The following TMEM132D variants were observed in gnomAD, a reference collection of about 807,000 sequenced individuals.
The protein encoded by TMEM132D is mature OL transmembrane protein.
Under a neutral mutation model 62.3 loss-of-function variants are expected in TMEM132D, and 21 were observed. That is an observed-to-expected ratio of 0.34 (90% CI 0.24 to 0.49). The LOEUF is 0.49. TMEM132D is among the 20% of genes least tolerant of loss of function. The probability of loss-of-function intolerance (pLI) is 0.99; values close to 1 mark genes in which losing one functional copy is unlikely to be tolerated. For synonymous variants in TMEM132D, 621 were observed against 575.6 expected (o/e 1.08, Z -1.13); for missense variants, 1,346 against 1,402.8 (o/e 0.96, Z 0.65).
intron 1 of TMEM132D, among the ~76,000 whole-genome samples, chr12:129,746,353 C>T (rs1869778160): frequency 6.6e-6 from 1 of 152,044 alleles, no homozygotes; most frequent in African/African-American, 2.4e-5. Flanking sequence ...ACTCTTCCTG[C>T]TGTGAGAGGA....
At chr12:129,168,404 C>T (rs907186298) in intron 5 of TMEM132D, among the ~76,000 whole-genome samples, 2 of 152,132 alleles carry the variant, frequency 1.3e-5, no homozygotes, top group South Asian at 4.1e-4. Context: ...AAAAGAATCC[C>T]CATACCCATT....
At chr12:129,595,815 C>T (rs952529092) in intron 2 of TMEM132D, among the ~76,000 whole-genome samples, 2 of 152,236 alleles carry the variant, frequency 1.3e-5, no homozygotes, top group Admixed American at 6.5e-5. Flanking sequence ...CTCACTGAGC[C>T]CAGCCTGCAT....
chr12:129,414,123 A>T (rs781665704), intron 3 of TMEM132D, among the ~76,000 whole-genome samples: 54 of 152,168 alleles, frequency 3.5e-4, no homozygotes, highest in Admixed American at 7.2e-4. Context: ...CTCCGCATAA[A>T]GTGGGCGGCT....
chr12:129,252,833 C>T (rs1308221209), intron 4 of TMEM132D, among the ~76,000 whole-genome samples: 1 of 151,974 alleles, frequency 6.6e-6, no homozygotes, highest in East Asian at 1.9e-4. Flanking sequence ...AAATGTGGCA[C>T]ATATACGCCA....
chr12:129,826,814 G>C (rs982413559), intron 1 of TMEM132D, among the ~76,000 whole-genome samples: 1 of 152,112 alleles, frequency 6.6e-6, no homozygotes, highest in South Asian at 2.1e-4. Flanking sequence ...ATGCAGGTGT[G>C]GGGAGAAGCT....
intron 2 of TMEM132D, among the ~76,000 whole-genome samples, chr12:129,677,877 C>T (rs563855021): frequency 5.4e-5 from 8 of 147,354 alleles, no homozygotes. Flanking sequence ...GCATATTGGT[C>T]CATTATCCAT....
At chr12:129,631,712 A>C (rs2137167463) in intron 2 of TMEM132D, among the ~76,000 whole-genome samples, 1 of 152,306 alleles carries the variant, frequency 6.6e-6, no homozygotes, top group South Asian at 2.1e-4. Context: ...GTGATTCTGC[A>C]AAGTCTTGTC....
chr12:129,688,580 G>A lies in TMEM132D; in HGVS notation c.968+11230C>T, dbSNP rs1013365925. Among the ~76,000 whole-genome samples the A allele has an allele frequency of 4.6e-5, 7 of 152,210 alleles. No homozygotes were observed. The Middle Eastern group carries it at 0.01, about 222-fold the overall frequency. On this transcript the variant is annotated intron_variant, in intron 2 of 8. Transcript: ENST00000422113. ...AACCCACACCACTGCTTCATGTAGAGCCTAGCCAAAGAACCTAGTCTCTGA... is the reference window on the plus strand; with the variant it reads ...AACCCACACCACTGCTTCATGTAGAACCTAGCCAAAGAACCTAGTCTCTGA...
At chr12:129,516,519 G>A (rs116990109) in intron 3 of TMEM132D, among the ~76,000 whole-genome samples, 2,592 of 152,198 alleles carry the variant, frequency 0.017, 58 homozygotes, top group South Asian at 0.095. Context: ...TAAGTGAAAG[G>A]GGCTTCCCCT....
At chr12:129,384,872 C>G (rs1566052126) in intron 3 of TMEM132D, among the ~76,000 whole-genome samples, 1 of 152,072 alleles carries the variant, frequency 6.6e-6, no homozygotes, top group African/African-American at 2.4e-5. Context: ...TTAAGAATTT[C>G]TAGTTAAGAA....
intron 4 of TMEM132D, among the ~76,000 whole-genome samples, chr12:129,242,736 T>G (rs2135585207): frequency 7.3e-6 from 1 of 137,542 alleles, no homozygotes; most frequent in South Asian, 2.3e-4. Context: ...ATTTTTCTTC[T>G]TCTTTTTTAA....
intron 5 of TMEM132D, among the ~76,000 whole-genome samples, chr12:129,139,994 G>T (rs1876692101): frequency 6.6e-6 from 1 of 152,102 alleles, no homozygotes; most frequent in African/African-American, 2.4e-5. Flanking sequence ...GGGATTACAG[G>T]CATAAACCAC....
chr12:129,142,740 T>C (rs1565977108), intron 5 of TMEM132D, among the ~76,000 whole-genome samples: 1 of 152,104 alleles, frequency 6.6e-6, no homozygotes, highest in South Asian at 2.1e-4. Context: ...AAACCAATGA[T>C]GTCATCAGGA....
chr12:129,837,077 T>C lies in TMEM132D; in HGVS notation c.79+66184A>G, dbSNP rs192890675. ...GAAACCATGACACGTTTGTTGTCGA[T>C]AAACAGCGCTGTATGTGACCACTGC... On this transcript the variant is annotated intron_variant, in intron 1 of 8. Coordinates refer to ENST00000422113, the MANE Select transcript of TMEM132D (RefSeq NM_133448.3). Among the ~76,000 whole-genome samples the C allele has an allele frequency of 1.0e-3, 159 of 152,334 alleles. 2 individuals carry two copies. Among genetic ancestry groups the C allele is most frequent in the African/African-American group, 3.5e-3 (145 of 41,586 alleles).
At chr12:129,713,352 T>C (rs1487306985) in intron 1 of TMEM132D, among the ~76,000 whole-genome samples, 1 of 152,172 alleles carries the variant, frequency 6.6e-6, no homozygotes, top group Non-Finnish European at 1.5e-5. Context: ...CAGAAGAATG[T>C]TTTTGTTGCT....
At chr12:129,217,066 T>C (rs1420182793) in intron 4 of TMEM132D, among the ~76,000 whole-genome samples, 1 of 152,226 alleles carries the variant, frequency 6.6e-6, no homozygotes, top group Non-Finnish European at 1.5e-5. Context: ...ACTTGCCATT[T>C]TAATATATGG....
chr12:129,420,306 GTTTTTTTT>G lies in TMEM132D; in HGVS notation c.1116-82497_1116-82490del, dbSNP rs71082709. Among the ~76,000 whole-genome samples, 342 of 112,288 alleles carry G rather than the reference GTTTTTTTT, an allele frequency of 3.0e-3. 2 individuals are homozygous for G. Among genetic ancestry groups the G allele is most frequent in the African/African-American group, 6.2e-3 (155 of 24,954 alleles). The allele number at this position is 112,288 out of a possible 152,430, so 73.7% of individuals were successfully genotyped here. A position where few individuals can be genotyped will look rare whatever the true frequency, so the allele number is the denominator to read the frequency against. On this transcript the variant is annotated intron_variant, in intron 3 of 8. Transcript: ENST00000422113. The stretch of plus-strand genomic sequence containing the variant: ...AATTTCAAATTATTGCACGTTCTCT[GTTTTTTTT>G]TTTTTTTTTTTTTTTTGCAGTATCT...
At chr12:129,715,885 C>T (rs1047593867) in intron 1 of TMEM132D, among the ~76,000 whole-genome samples, 13 of 152,322 alleles carry the variant, frequency 8.5e-5, no homozygotes, top group East Asian at 7.7e-4. Context: ...CTGCCAGGCA[C>T]GGCTGCACGT....
intron 1 of TMEM132D, among the ~76,000 whole-genome samples, chr12:129,751,007 C>G (rs1869983062): frequency 6.6e-6 from 1 of 152,148 alleles, no homozygotes; most frequent in Non-Finnish European, 1.5e-5. Flanking sequence ...TCTTTGATTT[C>G]TGGTTTCTGA....
Sources: allele counts gnomAD v4.1 joint callset (sites outside exome capture counted in the v4.1 genomes callset), GRCh38; gene constraint gnomAD v4.1.1; transcripts MANE v1.5; gene names NCBI Gene and HGNC (gene_info 2026-07-23, HGNC 2026-07-21).